The following ZNF708 variants were observed in gnomAD, a reference collection of about 807,000 sequenced individuals.
ZNF708 encodes the protein zinc finger protein 708, also known as ZNF15, ZNF15L1.
Under a neutral mutation model 47.0 loss-of-function variants are expected in ZNF708, and 44 were observed. The ratio of observed to expected loss-of-function variants is 0.94; its 90% CI spans 0.74 to 1.20. The LOEUF is 1.20. ZNF708 is among the 50% of genes most tolerant of loss of function. ZNF708 has a pLI of 0.00. For missense variants in ZNF708, 557 were observed against 656.0 expected, an observed-to-expected ratio of 0.85 and a Z score of 1.65; for synonymous variants, 184 against 218.5, an observed-to-expected ratio of 0.84 and a Z score of 1.39.
chr19:21,313,640 C>G (rs887267728), intron 1 of ZNF708, among the ~76,000 whole-genome samples: 7 of 151,764 alleles, frequency 4.6e-5, no homozygotes, highest in Non-Finnish European at 8.8e-5. Context: ...TGCCTGTAAT[C>G]CCAGATACTC....
chr19:21,310,630 GA>G lies in ZNF708; in HGVS notation c.4-4del. ...ACATCCATAAATGTCAATGGTCCCT[GA>G]AAAACACATACACACACACATATTT... is the stretch of plus-strand genomic sequence containing the variant. On this transcript the variant is annotated splice_polypyrimidine_tract_variant and splice_region_variant and intron_variant, in intron 1 of 3. Coordinates refer to ENST00000356929, the MANE Select transcript of ZNF708 (RefSeq NM_021269.3). 3 of 1,522,128 alleles carry G rather than the reference GA, an allele frequency of 2.0e-6. No individual in the cohort carries two copies. Among genetic ancestry groups the G allele is most frequent in the Admixed American group, 2.0e-5 (1 of 50,618 alleles). 94.3% of individuals were successfully genotyped at this position (1,522,128 alleles called of 1,614,324 possible).
At chr19:21,303,719 T>A (rs540845842) in intron 3 of ZNF708, among the ~76,000 whole-genome samples, 8 of 152,090 alleles carry the variant, frequency 5.3e-5, no homozygotes, top group African/African-American at 1.9e-4. Flanking sequence ...AGAAAAAATT[T>A]ATTTTTCATG....
chr19:21,316,068 CA>C (rs71176850), intron 1 of ZNF708, among the ~76,000 whole-genome samples: 4 of 139,030 alleles, frequency 2.9e-5, no homozygotes, highest in Non-Finnish European at 1.5e-5. Flanking sequence ...AAACCTGTCT[CA>C]AAAAAAAAAA....
chr19:21,297,960 A>AGT (rs66590988), intron 3 of ZNF708, among the ~76,000 whole-genome samples: 21,396 of 149,820 alleles, frequency 0.14, 1,710 homozygotes, highest in Non-Finnish European at 0.2. Flanking sequence ...ACAAATGACT[A>AGT]GTGTGTGTGT....
chr19:21,300,417 A>C (rs1415579765), intron 3 of ZNF708, among the ~76,000 whole-genome samples: 1 of 150,906 alleles, frequency 6.6e-6, no homozygotes, highest in Non-Finnish European at 1.5e-5. Flanking sequence ...GAGGCAAGAG[A>C]ATTGCTTGAA....
chr19:21,306,039 T>A (rs1972757929), intron 3 of ZNF708, among the ~76,000 whole-genome samples: 1 of 152,154 alleles, frequency 6.6e-6, no homozygotes, highest in Admixed American at 6.5e-5. Flanking sequence ...ACTGATGAAA[T>A]AAAGTTGGAT....
At chr19:21,325,466 A>G (rs1297720064) in intron 1 of ZNF708, among the ~76,000 whole-genome samples, 5 of 152,218 alleles carry the variant, frequency 3.3e-5, no homozygotes, top group Admixed American at 1.3e-4. Context: ...AAAGTGGGGA[A>G]AGGACACCCT....
Position 21,309,103 on chromosome 19 carries a change from G to T in ZNF708, c.226+143C>A, listed in dbSNP as rs1203666917. ...AATTTAAAAGCATAAGACAGAAGACGCCCCTATATTAAAGTTAAAAAAACA... is the reference window on the plus strand; with the variant it reads ...AATTTAAAAGCATAAGACAGAAGACTCCCCTATATTAAAGTTAAAAAAACA... On this transcript the variant is annotated intron_variant, in intron 3 of 3. Transcript: ENST00000356929. The T allele has an allele frequency of 2.8e-5, 18 of 649,876 alleles. No homozygotes were observed. In the Admixed American group the frequency reaches 5.2e-4, roughly 19 times the overall value. 40.3% of individuals were successfully genotyped at this position (649,876 alleles called of 1,614,324 possible).
At chr19:21,316,931 C>T (rs1003502328) in intron 1 of ZNF708, among the ~76,000 whole-genome samples, 7 of 151,878 alleles carry the variant, frequency 4.6e-5, no homozygotes, top group South Asian at 2.1e-4. Flanking sequence ...GCATTACAGG[C>T]GTGTGCCACC....
chr19:21,310,444 CAA>C, intron 2 of ZNF708, 55 bp downstream of exon 2: 2 of 647,554 alleles, frequency 3.1e-6, no homozygotes, highest in Admixed American at 8.6e-5. Flanking sequence ...AACTCTGTCT[CAA>C]AAAAAAAAAT....
At chr19:21,295,230 A>G (rs958547167) in intron 3 of ZNF708, among the ~76,000 whole-genome samples, 1 of 152,226 alleles carries the variant, frequency 6.6e-6, no homozygotes, top group African/African-American at 2.4e-5. Context: ...GCTGAGACCA[A>G]AGTTAAGTGT....
rs377175812 is a variant in ZNF708 at position 21,324,911 on chromosome 19, A to T, written c.3+4299T>A. Among the ~76,000 whole-genome samples, 12 of 151,936 alleles carry T rather than the reference A, an allele frequency of 7.9e-5. No homozygotes were observed. The East Asian group carries it at 1.4e-3, about 17-fold the overall frequency. On this transcript the variant is annotated intron_variant, in intron 1 of 3. Transcript: ENST00000356929. ...CTATGTAACTCAGCAATTATCTACC[A>T]CATTTTCTTGTGAAAATGTACTCAT...
intron 3 of ZNF708, among the ~76,000 whole-genome samples, chr19:21,296,546 T>C (rs559147427): frequency 2.0e-5 from 3 of 151,960 alleles, no homozygotes; most frequent in African/African-American, 7.2e-5. Flanking sequence ...TCCAACTGAA[T>C]AAAAAGAAAG....
Position 21,303,034 on chromosome 19 carries a change from T to C in ZNF708, c.226+6212A>G, listed in dbSNP as rs1053751798. On this transcript the variant is annotated intron_variant, in intron 3 of 3. Coordinates refer to ENST00000356929, the MANE Select transcript of ZNF708 (RefSeq NM_021269.3). The stretch of plus-strand genomic sequence containing the variant: ...AGGTCAAAGTGGGCTGATCACTTGA[T>C]CCCAGGAGTTTGAGATCAGCCTGAG... Among the ~76,000 whole-genome samples, 6 of 152,194 alleles carry C rather than the reference T, an allele frequency of 3.9e-5. No individual in the cohort carries two copies. The East Asian group carries it at 9.7e-4, about 25-fold the overall frequency.
chr19:21,327,920 AG>A, intron 1 of ZNF708: 1 of 868,206 alleles, frequency 1.2e-6, no homozygotes, highest in Admixed American at 4.3e-5. Flanking sequence ...TCTCAGCCCC[AG>A]GGCATCCACC....
chr19:21,307,822 A>G (rs1401251709), intron 3 of ZNF708, among the ~76,000 whole-genome samples: 1 of 152,148 alleles, frequency 6.6e-6, no homozygotes, highest in Admixed American at 6.6e-5. Flanking sequence ...GAAATTGAAG[A>G]CAAGTAAAAT....
chr19:21,313,978 C>G (rs143942837), intron 1 of ZNF708, among the ~76,000 whole-genome samples: 2,051 of 152,142 alleles, frequency 0.013, 50 homozygotes, highest in African/African-American at 0.047. Context: ...AAATTAAGAC[C>G]CTAAAATACA....
At chr19:21,315,079 T>C (rs1268327251) in intron 1 of ZNF708, among the ~76,000 whole-genome samples, 1 of 152,170 alleles carries the variant, frequency 6.6e-6, no homozygotes, top group African/African-American at 2.4e-5. Flanking sequence ...CAGGCAGGTA[T>C]AGTTGTGGTC....
intron 3 of ZNF708, among the ~76,000 whole-genome samples, chr19:21,296,835 AAAAT>A (rs2145150168): frequency 6.6e-6 from 1 of 152,124 alleles, no homozygotes; most frequent in South Asian, 2.1e-4. Flanking sequence ...ATGTAACATA[AAAAT>A]AAATAATTAG....
Sources: gnomAD v4.1 joint callset for allele counts (sites outside exome capture counted in the v4.1 genomes callset) on GRCh38, gnomAD v4.1.1 for gene constraint, MANE v1.5 for transcripts, NCBI Gene and HGNC (gene_info 2026-07-23, HGNC 2026-07-21) for gene names.